Variants in PLD1 observed in about 807,000 individuals in gnomAD.
The protein encoded by PLD1 is phospholipase D1, also known as choline phosphatase 1.
In PLD1, 112 loss-of-function variants were observed where a neutral mutation model predicts 137.1. The ratio of observed to expected loss-of-function variants is 0.82; its 90% CI spans 0.70 to 0.96. The LOEUF (loss-of-function observed/expected upper bound fraction) is 0.96. Among genes scored for constraint, PLD1 ranks in the 40% least tolerant of loss-of-function variants. The probability of loss-of-function intolerance (pLI) is 0.00; values close to 1 mark genes in which losing one functional copy is unlikely to be tolerated. For missense variants in PLD1, 1,321 were observed against 1,342.0 expected (o/e 0.98, Z 0.24); for synonymous variants, 431 against 454.7 (o/e 0.95, Z 0.66).
chr3:171,779,621 G>C (rs1411356150), intron 1 of PLD1, among the ~76,000 whole-genome samples: 1 of 152,158 alleles, frequency 6.6e-6, no homozygotes, highest in East Asian at 1.9e-4. Context: ...CCTGGGGTTT[G>C]GATATGTAAG....
intron 1 of PLD1, among the ~76,000 whole-genome samples, chr3:171,807,729 T>C (rs898712293): frequency 2.0e-5 from 3 of 152,190 alleles, no homozygotes; most frequent in Non-Finnish European, 4.4e-5. Flanking sequence ...TGGGTATATA[T>C]CCAAAAGAAA....
At chr3:171,797,470 A>C (rs1723478288) in intron 1 of PLD1, among the ~76,000 whole-genome samples, 1 of 152,158 alleles carries the variant, frequency 6.6e-6, no homozygotes, top group South Asian at 2.1e-4. Context: ...GACCTACTGA[A>C]TCAGAAACTC....
chr3:171,732,995 C>T (rs934543263), intron 6 of PLD1, among the ~76,000 whole-genome samples: 3 of 152,196 alleles, frequency 2.0e-5, no homozygotes, highest in African/African-American at 7.2e-5. Context: ...AAAGACATGC[C>T]TTTAACAGGC....
intron 19 of PLD1, among the ~76,000 whole-genome samples, chr3:171,663,060 C>T (rs558026007): frequency 4.6e-5 from 7 of 152,238 alleles, no homozygotes; most frequent in Non-Finnish European, 1.0e-4. Flanking sequence ...GAGCTCCTGA[C>T]TTTTTTCTCT....
intron 21 of PLD1, among the ~76,000 whole-genome samples, chr3:171,656,156 T>TTTTTTTTTATTTATTTATTTATTTA (rs1553810398): frequency 6.9e-6 from 1 of 145,360 alleles, no homozygotes; most frequent in Non-Finnish European, 1.5e-5. Flanking sequence ...AATACTATAA[T>TTTTTTTTTATTTATTTATTTATTTA]TTTATTTATT....
At chr3:171,745,103 G>C (rs914861071) in intron 1 of PLD1, among the ~76,000 whole-genome samples, 9 of 152,170 alleles carry the variant, frequency 5.9e-5, no homozygotes, top group Non-Finnish European at 2.9e-5. Context: ...ATATCCTAGA[G>C]TTAAATATTT....
rs1370734607 is a variant in PLD1 at position 171,733,484 on chromosome 3, T to C, written c.566A>G (p.Lys189Arg). The C allele has an allele frequency of 1.5e-6, 2 of 1,330,216 alleles. No individual in the cohort carries two copies. The highest frequency in any genetic ancestry group is 2.2e-6 in the Non-Finnish European group (2 of 925,334). 82.4% of individuals were successfully genotyped at this position (1,330,216 alleles called of 1,614,324 possible). Residue 189 changes from lysine (K) to arginine (R), a missense_variant, in exon 6 of 27, where the codon AAG becomes AGG. Physicochemically the swap from Lys to Arg is conservative, Grantham distance 26 (BLOSUM62 2). Transcript: ENST00000351298. ...RRKQLEDYLT[K>R]ILKMPMYRNY... ...TCTATACATGGGCATTTTTAGTATC[T>C]TTGTCAAGTAATCTTCCAGTTGTTT...
intron 20 of PLD1, among the ~76,000 whole-genome samples, 197 bp downstream of exon 20, chr3:171,661,863 T>C (rs1438605863): frequency 6.6e-6 from 1 of 152,220 alleles, no homozygotes; most frequent in African/African-American, 2.4e-5. Context: ...CTTGAGTTAA[T>C]GACAATGCAG....
intron 19 of PLD1, among the ~76,000 whole-genome samples, chr3:171,671,688 C>A (rs150822463): frequency 1.3e-5 from 2 of 151,748 alleles, no homozygotes; most frequent in Admixed American, 6.6e-5. Flanking sequence ...TTGGGAAATG[C>A]GCACATCATA....
At chr3:171,711,783 A>G (rs1037353594) in intron 9 of PLD1, among the ~76,000 whole-genome samples, 4 of 150,164 alleles carry the variant, frequency 2.7e-5, no homozygotes, top group African/African-American at 9.9e-5. Context: ...ACTCATAACT[A>G]AACTATCCTA....
At chr3:171,697,376 C>G (rs1715839483) in intron 12 of PLD1, among the ~76,000 whole-genome samples, 2 of 151,540 alleles carry the variant, frequency 1.3e-5, no homozygotes, top group African/African-American at 2.4e-5. Flanking sequence ...TCCCGGGTAG[C>G]TGGGACTATA....
At chr3:171,729,796 A>G (rs149787106) in intron 6 of PLD1, among the ~76,000 whole-genome samples, 2 of 152,336 alleles carry the variant, frequency 1.3e-5, no homozygotes, top group African/African-American at 4.8e-5. Flanking sequence ...GTTGGAATGA[A>G]AACACTGTGT....
At chr3:171,687,631 G>A (rs369641226) in intron 14 of PLD1, 47 bp from the exon 15 acceptor site, 15 of 1,236,444 alleles carry the variant, frequency 1.2e-5, no homozygotes, top group Admixed American at 1.9e-5. Context: ...AAGACATGCT[G>A]CAGTGTGGTT....
At chr3:171,613,347 T>A (rs1732833932) in intron 24 of PLD1, among the ~76,000 whole-genome samples, 1 of 152,206 alleles carries the variant, frequency 6.6e-6, no homozygotes, top group Admixed American at 6.5e-5. Context: ...TTCTACCTTG[T>A]GGCACAAAAG....
chr3:171,623,898 A>G (rs1733857331), intron 23 of PLD1, among the ~76,000 whole-genome samples: 1 of 152,140 alleles, frequency 6.6e-6, no homozygotes, highest in Non-Finnish European at 1.5e-5. Flanking sequence ...GATCAGAGAT[A>G]AAAATGTAAG....
intron 8 of PLD1, among the ~76,000 whole-genome samples, chr3:171,716,997 T>C (rs756884292): frequency 2.0e-5 from 3 of 152,234 alleles, no homozygotes; most frequent in Non-Finnish European, 4.4e-5. Context: ...GTCAGCTTTG[T>C]TGAAGATCAG....
chr3:171,763,893 T>C (rs1404252071), intron 1 of PLD1, among the ~76,000 whole-genome samples: 16 of 147,394 alleles, frequency 1.1e-4, no homozygotes, highest in Admixed American at 1.0e-3. Flanking sequence ...ATGAAGTTGA[T>C]AGGTCTTCCT....
At chr3:171,621,025 C>A (rs1733590938) in intron 23 of PLD1, among the ~76,000 whole-genome samples, 1 of 151,766 alleles carries the variant, frequency 6.6e-6, no homozygotes, top group Admixed American at 6.6e-5. Flanking sequence ...TCATTTGTAG[C>A]ATATTCAGCG....
chr3:171,656,417 C>A (rs1005164335), intron 21 of PLD1, among the ~76,000 whole-genome samples: 1 of 152,162 alleles, frequency 6.6e-6, no homozygotes, highest in African/African-American at 2.4e-5. Context: ...GTGATCCACC[C>A]GCCTCAGCCT....
Sources: allele counts gnomAD v4.1 joint callset (sites outside exome capture counted in the v4.1 genomes callset), GRCh38; gene constraint gnomAD v4.1.1; transcripts MANE v1.5; gene names NCBI Gene and HGNC (gene_info 2026-07-23, HGNC 2026-07-21).